DIP2C: variants seen among roughly 807,000 people sequenced by gnomAD.
DIP2C encodes the protein DIP2 acetate--CoA ligase C (putative), also known as disco-interacting protein 2 homolog C.
A neutral mutation model predicts 192.4 loss-of-function variants in DIP2C; 33 were observed. That is an observed-to-expected ratio of 0.17 (90% CI 0.13 to 0.23). The LOEUF (loss-of-function observed/expected upper bound fraction) is 0.23, where lower values mean the gene tolerates loss of function less well. Among genes scored for constraint, DIP2C ranks in the 10% least tolerant of loss-of-function variants. The probability of loss-of-function intolerance (pLI) is 1.00; values close to 1 mark genes in which losing one functional copy is unlikely to be tolerated. For synonymous variants in DIP2C, 979 were observed against 864.1 expected (o/e 1.13, Z -2.33); for missense variants, 1,537 against 2,110.1 (o/e 0.73, Z 5.32).
chr10:531,853 G>C (rs935777404), intron 1 of DIP2C, among the ~76,000 whole-genome samples: 1 of 152,212 alleles, frequency 6.6e-6, no homozygotes, highest in African/African-American at 2.4e-5. Context: ...GGCAACGCTT[G>C]CAACTCCAGC....
chr10:312,426 T>G (rs570094375), intron 31 of DIP2C, among the ~76,000 whole-genome samples: 1 of 152,310 alleles, frequency 6.6e-6, no homozygotes, highest in Non-Finnish European at 1.5e-5. Flanking sequence ...TGCACACCTG[T>G]GCTTTGTGTG....
chr10:626,071 G>C (rs1428128916), intron 1 of DIP2C, among the ~76,000 whole-genome samples: 1 of 152,212 alleles, frequency 6.6e-6, no homozygotes, highest in Non-Finnish European at 1.5e-5. Flanking sequence ...GTGAGCAGGA[G>C]GTCTGTGAAC....
At chr10:534,385 G>A (rs1201323885) in intron 1 of DIP2C, among the ~76,000 whole-genome samples, 1 of 152,244 alleles carries the variant, frequency 6.6e-6, no homozygotes, top group African/African-American at 2.4e-5. Context: ...CTGGGTCCCT[G>A]CTAGTCACAG....
rs1218930996 is a variant in DIP2C at position 559,996 on chromosome 10, C to CG, written c.86-73467dup. Among the ~76,000 whole-genome samples, 5 of 145,698 alleles carry CG rather than the reference C, an allele frequency of 3.4e-5. No individual in the cohort carries two copies. In the East Asian group the frequency reaches 1.1e-3, roughly 32 times the overall value. Reference sequence around the variant, plus strand: ...CCCCACTCCTGTTCTCCTCTCCCCCCGATCCAGTTCTCACCTCTCTCCCCA... The same window carrying CG: ...CCCCACTCCTGTTCTCCTCTCCCCCCGGATCCAGTTCTCACCTCTCTCCCCA... On this transcript the variant is annotated intron_variant, in intron 1 of 36. Transcript: ENST00000280886.
At chr10:337,486 T>C (rs1161798108) in intron 29 of DIP2C, among the ~76,000 whole-genome samples, 1 of 141,734 alleles carries the variant, frequency 7.1e-6, no homozygotes, top group South Asian at 2.4e-4. Context: ...TGTGTATGTG[T>C]GTGCTGTGGA....
At chr10:429,232 C>A (rs1384391647) in intron 4 of DIP2C, among the ~76,000 whole-genome samples, 5 of 83,890 alleles carry the variant, frequency 6.0e-5, no homozygotes, top group South Asian at 5.3e-4. Flanking sequence ...CTGCCTCCCC[C>A]CCGGACCCTG....
At chr10:557,867 A>AGGCAGGCAGGCAGGGGGAGGGGGCAGG (rs1848987852) in intron 1 of DIP2C, among the ~76,000 whole-genome samples, 6 of 57,744 alleles carry the variant, frequency 1.0e-4, no homozygotes, top group African/African-American at 2.6e-4. Context: ...GGGCAGGGGC[A>AGGCAGGCAGGCAGGGGGAGGGGGCAGG]GGCAGGCAGG....
rs59344971 is a variant in DIP2C at position 530,653 on chromosome 10, TAAA to T, written c.86-44126_86-44124del. On this transcript the variant is annotated intron_variant, in intron 1 of 36. Transcript: ENST00000280886. ...GGCAATACAGCAAGACCCTATCTCT[TAAA>T]AAAAAAAAAAAAAAAAAAGACTGTT... Among the ~76,000 whole-genome samples, 1,030 of 106,060 alleles carry T rather than the reference TAAA, an allele frequency of 9.7e-3. 14 individuals carry two copies. The highest frequency in any genetic ancestry group is 0.031 in the African/African-American group (885 of 28,340). The allele number at this position is 106,060 out of a possible 152,430, so 69.6% of individuals were successfully genotyped here. A position where few individuals can be genotyped will look rare whatever the true frequency, so the allele number is the denominator to read the frequency against.
intron 1 of DIP2C, among the ~76,000 whole-genome samples, chr10:679,133 C>T (rs1448987488): frequency 2.8e-5 from 1 of 35,186 alleles, no homozygotes; most frequent in African/African-American, 7.0e-5. Context: ...TCCCCGCACC[C>T]ATCCTCCCTG....
At chr10:399,616 T>A (rs1302487288) in intron 9 of DIP2C, among the ~76,000 whole-genome samples, 2 of 152,188 alleles carry the variant, frequency 1.3e-5, no homozygotes, top group East Asian at 3.8e-4. Flanking sequence ...CCCATGGCAG[T>A]GTTTGGCTCT....
At chr10:533,322 A>C (rs1236204359) in intron 1 of DIP2C, among the ~76,000 whole-genome samples, 1 of 152,178 alleles carries the variant, frequency 6.6e-6, no homozygotes, top group Non-Finnish European at 1.5e-5. Flanking sequence ...TAGCTGCCGG[A>C]TTAACTTCAC....
chr10:420,506 C>T (rs1966110448), intron 5 of DIP2C, among the ~76,000 whole-genome samples: 1 of 152,356 alleles, frequency 6.6e-6, no homozygotes, highest in African/African-American at 2.4e-5. Flanking sequence ...AACCAACACA[C>T]ACCCCCTCAA....
chr10:555,578 CAT>C (rs1272212482), intron 1 of DIP2C, among the ~76,000 whole-genome samples: 5 of 152,112 alleles, frequency 3.3e-5, no homozygotes, highest in Non-Finnish European at 4.4e-5. Flanking sequence ...GCAGGTGACT[CAT>C]ATTTAGGAAA....
At position 466,412 on chromosome 10, in the gene DIP2C, G is replaced by A. The variant is rs60676766; in HGVS notation, c.268+6027C>T. Among the ~76,000 whole-genome samples the A allele has an allele frequency of 5.8e-3, 786 of 136,604 alleles. 6 individuals are homozygous for A. The highest frequency in any genetic ancestry group is 0.02 in the African/African-American group (743 of 37,424). 89.6% of individuals were successfully genotyped at this position (136,604 alleles called of 152,430 possible). ...TTCAAGATGGATTAAAGACTTAAACGTTAGACCTAAAACCATAAAAACCCT... is the reference window on the plus strand; with the variant it reads ...TTCAAGATGGATTAAAGACTTAAACATTAGACCTAAAACCATAAAAACCCT... On this transcript the variant is annotated intron_variant, in intron 3 of 36. Transcript: ENST00000280886.
At chr10:375,941 G>A (rs1026679828) in intron 17 of DIP2C, among the ~76,000 whole-genome samples, 4 of 152,148 alleles carry the variant, frequency 2.6e-5, no homozygotes, top group Non-Finnish European at 4.4e-5. Flanking sequence ...GGCACATTTA[G>A]AGAAGAAAGA....
At chr10:335,676 C>A (rs141752020) in intron 29 of DIP2C, among the ~76,000 whole-genome samples, 1 of 152,218 alleles carries the variant, frequency 6.6e-6, no homozygotes, top group African/African-American at 2.4e-5. Flanking sequence ...ATCGCGGATG[C>A]GGCTCTCTTC....
chr10:550,117 C>T (rs537067199), intron 1 of DIP2C, among the ~76,000 whole-genome samples: 2 of 149,790 alleles, frequency 1.3e-5, no homozygotes, highest in Non-Finnish European at 3.0e-5. Flanking sequence ...TCAAGTAATT[C>T]TCCTGCCTTG....
chr10:533,949 T>G (rs1267899864), intron 1 of DIP2C, among the ~76,000 whole-genome samples: 1 of 151,732 alleles, frequency 6.6e-6, no homozygotes, highest in East Asian at 1.9e-4. Flanking sequence ...TCACATGGAA[T>G]TATAAAATGC....
At chr10:529,191 C>T (rs894315853) in intron 1 of DIP2C, among the ~76,000 whole-genome samples, 2 of 152,232 alleles carry the variant, frequency 1.3e-5, no homozygotes, top group Non-Finnish European at 2.9e-5. Context: ...GGACACTGCA[C>T]CATAGACCCG....
Sources: gnomAD v4.1 joint callset for allele counts (sites outside exome capture counted in the v4.1 genomes callset) on GRCh38, gnomAD v4.1.1 for gene constraint, MANE v1.5 for transcripts, NCBI Gene and HGNC (gene_info 2026-07-23, HGNC 2026-07-21) for gene names.